ZNF804A: variants seen among roughly 807,000 people sequenced by gnomAD.
ZNF804A encodes the protein zinc finger protein 804A.
In ZNF804A, 2 loss-of-function variants were observed where a neutral mutation model predicts 16.5. That is an observed-to-expected ratio of 0.12 (90% CI 0.05 to 0.38). ZNF804A has a LOEUF of 0.38. ZNF804A is among the 10% of genes least tolerant of loss of function. ZNF804A has a pLI of 0.99. For missense variants in ZNF804A, 1,473 were observed against 1,390.7 expected (o/e 1.06, Z -0.94); for synonymous variants, 534 against 489.6 (o/e 1.09, Z -1.20).
intron 1 of ZNF804A, among the ~76,000 whole-genome samples, chr2:184,811,848 A>G (rs1574223717): frequency 6.6e-6 from 1 of 152,220 alleles, no homozygotes; most frequent in Non-Finnish European, 1.5e-5. Flanking sequence ...TGGCAGTCAA[A>G]CATCATTTTA....
At chr2:184,698,683 C>T (rs1195822899) in intron 1 of ZNF804A, among the ~76,000 whole-genome samples, 1 of 152,018 alleles carries the variant, frequency 6.6e-6, no homozygotes, top group Non-Finnish European at 1.5e-5. Context: ...GTTGACTCAG[C>T]AGTTCAAGTA....
chr2:184,832,719 T>C (rs2105796407), intron 1 of ZNF804A, among the ~76,000 whole-genome samples: 1 of 152,120 alleles, frequency 6.6e-6, no homozygotes, highest in East Asian at 1.9e-4. Context: ...TGATAAATGC[T>C]CTTACATATA....
At position 184,598,808 on chromosome 2, in the gene ZNF804A, G is replaced by A. The variant is rs73041379; in HGVS notation, c.-152G>A. 0.25 allele frequency: 112,965 copies of A among 452,238 alleles called. 14,761 individuals are homozygous for A. The highest frequency in any genetic ancestry group is 0.32 in the South Asian group (7,411 of 23,414). The allele number at this position is 452,238 out of a possible 1,614,324, so 28.0% of individuals were successfully genotyped here. On this transcript the variant is annotated 5_prime_UTR_variant, in exon 1 of 4. Transcript: ENST00000302277. ...GCCTCGGCGCTCACCACAGAGGGGT[G>A]CAGTGAGCCAGTCTCCAGAGGACGT...
At chr2:184,742,469 T>C (rs1574190363) in intron 1 of ZNF804A, among the ~76,000 whole-genome samples, 3 of 151,978 alleles carry the variant, frequency 2.0e-5, no homozygotes, top group African/African-American at 4.8e-5. Context: ...GAAAAGAGGA[T>C]AGAACAAAGT....
intron 1 of ZNF804A, among the ~76,000 whole-genome samples, chr2:184,861,860 A>G (rs1695805281): frequency 6.6e-6 from 1 of 152,276 alleles, no homozygotes; most frequent in Admixed American, 6.5e-5. Flanking sequence ...AATTTATTAT[A>G]CTGCCAAGTT....
At chr2:184,670,085 T>A (rs752974870) in intron 1 of ZNF804A, among the ~76,000 whole-genome samples, 24 of 152,270 alleles carry the variant, frequency 1.6e-4, no homozygotes, top group Admixed American at 5.2e-4. Flanking sequence ...TGAAGCATTT[T>A]GAAGATTTTT....
intron 1 of ZNF804A, among the ~76,000 whole-genome samples, chr2:184,660,347 A>T (rs1029194345): frequency 6.6e-6 from 1 of 152,236 alleles, no homozygotes; most frequent in African/African-American, 2.4e-5. Context: ...GAAATACTTT[A>T]TAAAAAAAAT....
At chr2:184,764,186 A>G (rs997229082) in intron 1 of ZNF804A, among the ~76,000 whole-genome samples, 4 of 151,778 alleles carry the variant, frequency 2.6e-5, no homozygotes, top group Admixed American at 2.6e-4. Flanking sequence ...TAAAAACATA[A>G]AAATTATGAC....
intron 1 of ZNF804A, among the ~76,000 whole-genome samples, chr2:184,808,289 A>C (rs1196213060): frequency 2.0e-5 from 3 of 151,564 alleles, no homozygotes; most frequent in Non-Finnish European, 4.4e-5. Context: ...TTTTACAATC[A>C]TATATGTTTT....
At chr2:184,860,602 A>C (rs1369099863) in intron 1 of ZNF804A, among the ~76,000 whole-genome samples, 1 of 152,226 alleles carries the variant, frequency 6.6e-6, no homozygotes, top group Non-Finnish European at 1.5e-5. Context: ...AGAAAGGCCC[A>C]GAAAGAGTCC....
chr2:184,855,728 G>A (rs1695676835), intron 1 of ZNF804A, among the ~76,000 whole-genome samples: 1 of 151,862 alleles, frequency 6.6e-6, no homozygotes, highest in Non-Finnish European at 1.5e-5. Context: ...GTATCATGAT[G>A]GACGCCATAT....
chr2:184,899,021 T>A (rs990278583), intron 2 of ZNF804A, among the ~76,000 whole-genome samples: 1 of 152,010 alleles, frequency 6.6e-6, no homozygotes, highest in Non-Finnish European at 1.5e-5. Context: ...GTGTTTGATT[T>A]TATATTCATT....
chr2:184,655,846 C>T (rs1046823479), intron 1 of ZNF804A, among the ~76,000 whole-genome samples: 5 of 151,740 alleles, frequency 3.3e-5, no homozygotes, highest in South Asian at 2.1e-4. Flanking sequence ...AGGCCATTAG[C>T]GGTGGATGGC....
intron 1 of ZNF804A, among the ~76,000 whole-genome samples, chr2:184,773,511 T>C (rs574383480): frequency 1.3e-4 from 20 of 152,056 alleles, no homozygotes; most frequent in African/African-American, 4.8e-4. Context: ...AGCAACCTGG[T>C]TGGAATTGCA....
chr2:184,937,367 T>C lies in ZNF804A; in HGVS notation c.1971T>C (p.Asp657=). 1 of 1,613,692 alleles carries C rather than the reference T, an allele frequency of 6.2e-7. No individual in the cohort carries two copies. The highest frequency in any genetic ancestry group is 8.5e-7 in the Non-Finnish European group (1 of 1,179,854). The change falls in exon 4 of 4, where the codon GAT becomes GAC. Residue 657 remains aspartate, a synonymous_variant. Transcript: ENST00000302277. ...EQLLDSHQLL[D]KRPKSESISL... ...TATTAGACTCACATCAGTTACTTGA[T>C]AAAAGGCCCAAATCAGAATCCATAT...
chr2:184,863,143 T>C (rs949719680), intron 1 of ZNF804A, among the ~76,000 whole-genome samples: 2 of 152,140 alleles, frequency 1.3e-5, no homozygotes, highest in African/African-American at 2.4e-5. Flanking sequence ...ATAGGGATTA[T>C]TATACTCTTC....
At chr2:184,763,059 T>C (rs1238977645) in intron 1 of ZNF804A, among the ~76,000 whole-genome samples, 1 of 152,316 alleles carries the variant, frequency 6.6e-6, no homozygotes, top group Non-Finnish European at 1.5e-5. Context: ...GGCATGTGCA[T>C]GAAATCATTT....
At chr2:184,877,807 A>G (rs927256925) in intron 2 of ZNF804A, among the ~76,000 whole-genome samples, 3 of 152,096 alleles carry the variant, frequency 2.0e-5, no homozygotes, top group Non-Finnish European at 4.4e-5. Context: ...ATGATGTTTC[A>G]TCCTTCTATG....
At chr2:184,716,106 G>A (rs912319278) in intron 1 of ZNF804A, among the ~76,000 whole-genome samples, 4 of 151,974 alleles carry the variant, frequency 2.6e-5, no homozygotes, top group African/African-American at 7.2e-5. Context: ...ATATCAGAAG[G>A]CATTATATAG....
Sources: allele counts gnomAD v4.1 joint callset (sites outside exome capture counted in the v4.1 genomes callset), GRCh38; gene constraint gnomAD v4.1.1; transcripts MANE v1.5; gene names NCBI Gene and HGNC (gene_info 2026-07-23, HGNC 2026-07-21).